The following MLLT3 variants were observed in gnomAD, a reference collection of about 807,000 sequenced individuals.
MLLT3 encodes MLLT3 super elongation complex subunit.
MLLT3 carries 4 observed loss-of-function variants against 53.2 expected under a neutral mutation model. That is an observed-to-expected ratio of 0.08 (90% CI 0.04 to 0.17). MLLT3 has a LOEUF of 0.17. MLLT3 is among the 10% of genes least tolerant of loss of function. The pLI, the probability that MLLT3 is intolerant of heterozygous loss-of-function variation, is 1.00. For synonymous variants in MLLT3, 283 were observed against 230.6 expected (o/e 1.23, Z -2.06); for missense variants, 569 against 684.0 (o/e 0.83, Z 1.87).
At chr9:20,543,232 C>A (rs1818689079) in intron 2 of MLLT3, among the ~76,000 whole-genome samples, 1 of 152,228 alleles carries the variant, frequency 6.6e-6, no homozygotes, top group Non-Finnish European at 1.5e-5. Flanking sequence ...TTTTCCTTCA[C>A]ACTCACAAGC....
chr9:20,469,211 A>T (rs1824310133), intron 2 of MLLT3, among the ~76,000 whole-genome samples: 1 of 152,172 alleles, frequency 6.6e-6, no homozygotes, highest in Non-Finnish European at 1.5e-5. Flanking sequence ...AACTTGGTAT[A>T]ATTTAGTTAG....
intron 2 of MLLT3, among the ~76,000 whole-genome samples, chr9:20,537,055 A>T (rs986713115): frequency 9.9e-5 from 15 of 152,228 alleles, no homozygotes; most frequent in African/African-American, 3.6e-4. Context: ...CAGCTGTAAA[A>T]CTATAGATGG....
chr9:20,591,481 A>C (rs1292986328), intron 2 of MLLT3, among the ~76,000 whole-genome samples: 1 of 152,244 alleles, frequency 6.6e-6, no homozygotes, highest in Non-Finnish European at 1.5e-5. Flanking sequence ...ACTTATAAAC[A>C]GATATGTTAA....
chr9:20,423,195 T>C (rs1823056828), intron 4 of MLLT3, among the ~76,000 whole-genome samples: 1 of 152,098 alleles, frequency 6.6e-6, no homozygotes. Context: ...CACCACTATA[T>C]TTTTATAGTC....
Position 20,496,853 on chromosome 9 carries a change from C to A in MLLT3, c.194-40067G>T, listed in dbSNP as rs549296996. Among the ~76,000 whole-genome samples the A allele has an allele frequency of 1.3e-5, 2 of 152,226 alleles. 1 individual carries two copies. Among genetic ancestry groups the A allele is most frequent in the African/African-American group, 4.8e-5 (2 of 41,522 alleles). On this transcript the variant is annotated intron_variant, in intron 2 of 10. Coordinates refer to ENST00000380338, the MANE Select transcript of MLLT3 (RefSeq NM_004529.4). ...AAACAGTGCTTTAGGCCCAACATAC[C>A]TATACAGATGATAGGTACACTGAGG... is the stretch of plus-strand genomic sequence containing the variant.
chr9:20,578,330 T>G (rs538385964), intron 2 of MLLT3, among the ~76,000 whole-genome samples: 5 of 152,186 alleles, frequency 3.3e-5, no homozygotes, highest in Non-Finnish European at 7.3e-5. Context: ...CTAAGTATTA[T>G]GGAAGCATAA....
chr9:20,396,697 C>T (rs948678967), intron 5 of MLLT3, among the ~76,000 whole-genome samples: 3 of 151,988 alleles, frequency 2.0e-5, no homozygotes, highest in Admixed American at 2.0e-4. Context: ...GCGTAGATGC[C>T]GTCAAAGCTG....
At position 20,498,227 on chromosome 9, in the gene MLLT3, C is replaced by CAAAAAAAAAAAAAAAA. The variant is rs529049653; in HGVS notation, c.194-41457_194-41442dup. 1.2e-4 allele frequency among the ~76,000 whole-genome samples: 4 copies of CAAAAAAAAAAAAAAAA among 32,518 alleles called. 1 individual carries two copies. The highest frequency in any genetic ancestry group is 2.4e-4 in the African/African-American group (3 of 12,512). 21.3% of individuals were successfully genotyped at this position (32,518 alleles called of 152,430 possible). ...TAGGTGACAGAGCGAGACGCTGTCTCAAAAAAAAAAAAAAAAAAAAAAAAA... is the reference window on the plus strand; with the variant it reads ...TAGGTGACAGAGCGAGACGCTGTCTCAAAAAAAAAAAAAAAAAAAAAAAAAAAAAAAAAAAAAAAAA... On this transcript the variant is annotated intron_variant, in intron 2 of 10. Coordinates refer to ENST00000380338, the MANE Select transcript of MLLT3 (RefSeq NM_004529.4).
At position 20,620,627 on chromosome 9, in the gene MLLT3, C is replaced by T; in HGVS notation, c.193+27G>A. On this transcript the variant is annotated intron_variant, in intron 2 of 10. Coordinates refer to ENST00000380338, the MANE Select transcript of MLLT3 (RefSeq NM_004529.4). This position sits in a 1 kb window ranked among gnomAD's most constrained non-coding sequence, Gnocchi z 6.1. Reference sequence around the variant, plus strand: ...CGATTGTTTCAAAGACATTTTTTATCAAGACCCTTTTGTATTCGAGCCCTA... The same window carrying T: ...CGATTGTTTCAAAGACATTTTTTATTAAGACCCTTTTGTATTCGAGCCCTA... 6.2e-7 allele frequency: 1 copy of T among 1,602,042 alleles called. No individual in the cohort carries two copies. Among genetic ancestry groups the T allele is most frequent in the Non-Finnish European group, 8.5e-7 (1 of 1,171,910 alleles).
At chr9:20,381,715 T>C (rs965098320) in intron 5 of MLLT3, among the ~76,000 whole-genome samples, 1 of 151,960 alleles carries the variant, frequency 6.6e-6, no homozygotes. Flanking sequence ...TAACAAGGGA[T>C]ACTCTGTTAT....
intron 2 of MLLT3, among the ~76,000 whole-genome samples, chr9:20,575,260 G>T (rs990924038): frequency 6.6e-6 from 1 of 152,066 alleles, no homozygotes; most frequent in Non-Finnish European, 1.5e-5. Context: ...ATCTAGAATA[G>T]TGAACCTTTT....
At chr9:20,468,276 A>G (rs990014111) in intron 2 of MLLT3, among the ~76,000 whole-genome samples, 15 of 152,202 alleles carry the variant, frequency 9.9e-5, no homozygotes, top group African/African-American at 3.6e-4. Context: ...TGAAATACAT[A>G]TATTTGCCAT....
chr9:20,590,908 T>G (rs1416483569), intron 2 of MLLT3, among the ~76,000 whole-genome samples: 1 of 49,148 alleles, frequency 2.0e-5, no homozygotes, highest in Non-Finnish European at 5.8e-5. Context: ...CTTAGCTAAT[T>G]TTTTTTTTTT....
chr9:20,576,114 G>T (rs894828048), intron 2 of MLLT3, among the ~76,000 whole-genome samples: 2 of 152,152 alleles, frequency 1.3e-5, no homozygotes, highest in South Asian at 4.1e-4. Flanking sequence ...TTTATGTTAT[G>T]AAGATGGTTT....
In MLLT3 at chr9:20,448,255, C is replaced by T. The variant is rs369608090; in HGVS notation, c.288G>A (p.Arg96=). The change falls in exon 4 of 11, where the codon AGG becomes AGA. Residue 96 remains arginine, a synonymous_variant. Transcript: ENST00000380338. The surrounding 1 kb of genome is among the most constrained non-coding windows in gnomAD (Gnocchi z 4.0). The part of the protein sequence containing the change: ...EVYFKNKEEP[R]KVRFDYDLFL... ...ATAAGTCATAATCAAAGCGGACTTT[C>T]CTAGGTTCTTCCTGGAGGTTAACAA... 5 of 1,612,466 alleles carry T rather than the reference C, an allele frequency of 3.1e-6. No individual in the cohort carries two copies. The African/African-American group carries it at 6.7e-5, about 22-fold the overall frequency.
chr9:20,344,490 C>G lies in MLLT3; in HGVS notation c.*1953G>C. On this transcript the variant is annotated 3_prime_UTR_variant, in exon 11 of 11. Coordinates refer to ENST00000380338, the MANE Select transcript of MLLT3 (RefSeq NM_004529.4). ...TGAAACCACACAATTCATCAATCAC[C>G]TAATGTCCAAAATGACTCAAAGTTT... is the stretch of plus-strand genomic sequence containing the variant. 1 of 219,820 alleles carries G rather than the reference C, an allele frequency of 4.5e-6. No individual in the cohort carries two copies. The highest frequency in any genetic ancestry group is 9.1e-6 in the Non-Finnish European group (1 of 109,464). The allele number at this position is 219,820 out of a possible 1,614,324, so 13.6% of individuals were successfully genotyped here.
chr9:20,454,056 A>G (rs1222920237), intron 3 of MLLT3, among the ~76,000 whole-genome samples: 1 of 152,246 alleles, frequency 6.6e-6, no homozygotes, highest in Non-Finnish European at 1.5e-5. Context: ...TGTCTATTTT[A>G]TAATGGCCAC....
rs1336607545 is a variant in MLLT3, at chr9:20,622,479, TCCAGGG to T, written c.-229_-224del. The T allele has an allele frequency of 2.6e-5, 14 of 531,920 alleles. No individual in the cohort carries two copies. Among genetic ancestry groups the T allele is most frequent in the African/African-American group, 5.9e-5 (3 of 50,774 alleles). 33.0% of individuals were successfully genotyped at this position (531,920 alleles called of 1,614,324 possible). A position where few individuals can be genotyped will look rare whatever the true frequency, so the allele number is the denominator to read the frequency against. ...CAAAAGCAGCAGCAGCAGCAGCAGC[TCCAGGG>T]TAAAGAAGATGATTGCGGAGCATGC... On this transcript the variant is annotated 5_prime_UTR_variant, in exon 1 of 11. Transcript: ENST00000380338.
At chr9:20,430,464 G>A (rs372474835) in intron 4 of MLLT3, among the ~76,000 whole-genome samples, 3 of 152,024 alleles carry the variant, frequency 2.0e-5, no homozygotes, top group East Asian at 3.8e-4. Flanking sequence ...CTTCCAAACA[G>A]ACTCATAAAT....
Sources: gnomAD v4.1 joint callset for allele counts (sites outside exome capture counted in the v4.1 genomes callset) on GRCh38, gnomAD v4.1.1 for gene constraint, Gnocchi (gnomAD v3.1) non-coding constraint, MANE v1.5 for transcripts, NCBI Gene and HGNC (gene_info 2026-07-23, HGNC 2026-07-21) for gene names.